Variants in SMYD3 observed in about 807,000 individuals in gnomAD.
SMYD3 encodes SET and MYND domain containing 3.
SMYD3 carries 36 observed loss-of-function variants against 57.7 expected under a neutral mutation model. The observed-to-expected ratio is 0.62, with a 90% CI of 0.48 to 0.82. The LOEUF is 0.82. SMYD3 is among the 40% of genes least tolerant of loss of function. The probability of loss-of-function intolerance (pLI) is 0.00; values close to 1 mark genes in which losing one functional copy is unlikely to be tolerated. For missense variants in SMYD3, 515 were observed against 538.8 expected (o/e 0.96, Z 0.44); for synonymous variants, 211 against 195.0 (o/e 1.08, Z -0.68).
chr1:246,246,787 T>G (rs1305879975), intron 5 of SMYD3, among the ~76,000 whole-genome samples: 1 of 151,286 alleles, frequency 6.6e-6, no homozygotes, highest in Non-Finnish European at 1.5e-5. Flanking sequence ...TCTGCAGAAA[T>G]CAAAACCCAA....
intron 8 of SMYD3, among the ~76,000 whole-genome samples, chr1:245,867,653 CGTGTGCGT>C (rs879847820): frequency 0.013 from 1,740 of 132,264 alleles, 16 homozygotes; most frequent in Non-Finnish European, 0.016. Context: ...CATGCGCGTG[CGTGTGCGT>C]GCGCGCGCAC....
chr1:246,265,745 C>T (rs1293206007), intron 5 of SMYD3, among the ~76,000 whole-genome samples: 2 of 152,184 alleles, frequency 1.3e-5, no homozygotes, highest in African/African-American at 2.4e-5. Context: ...CTGTATGAGC[C>T]TTCTCCTGTG....
intron 1 of SMYD3, among the ~76,000 whole-genome samples, chr1:246,478,776 T>C (rs4654269): frequency 0.31 from 867 of 2,776 alleles, 392 homozygotes; most frequent in Non-Finnish European, 0.66. Context: ...CTCATATATG[T>C]ACACCTGTCC....
intron 5 of SMYD3, among the ~76,000 whole-genome samples, chr1:246,062,127 G>A (rs1572963321): frequency 6.6e-6 from 1 of 152,120 alleles, no homozygotes; most frequent in East Asian, 1.9e-4. Context: ...CTGCTCATTA[G>A]GACTGAGAAT....
chr1:246,063,469 T>C (rs915342793), intron 5 of SMYD3, among the ~76,000 whole-genome samples: 2 of 152,124 alleles, frequency 1.3e-5, no homozygotes, highest in Admixed American at 1.3e-4. Context: ...GGGGAAACAC[T>C]TGCTGAAATC....
chr1:246,232,883 T>C (rs2063437606), intron 5 of SMYD3, among the ~76,000 whole-genome samples: 1 of 130,908 alleles, frequency 7.6e-6, no homozygotes, highest in Non-Finnish European at 1.6e-5. Flanking sequence ...GTGATGAACA[T>C]ATACCACACA....
At chr1:245,934,241 C>A (rs1024069331) in intron 5 of SMYD3, among the ~76,000 whole-genome samples, 1 of 152,110 alleles carries the variant, frequency 6.6e-6, no homozygotes, top group African/African-American at 2.4e-5. Context: ...AAACCCTGGA[C>A]AGAAAAACTG....
At position 246,179,993 on chromosome 1, in the gene SMYD3, G is replaced by A. The variant is rs572188700; in HGVS notation, c.531+147208C>T. On this transcript the variant is annotated intron_variant, in intron 5 of 11. Transcript: ENST00000490107. Reference sequence around the variant, plus strand: ...AGTAGCAGCCAAAAGAGGAAAAGGTGTGAATTAAGTACTCAGTTAAAAGGA... The same window carrying A: ...AGTAGCAGCCAAAAGAGGAAAAGGTATGAATTAAGTACTCAGTTAAAAGGA... 1.9e-4 allele frequency among the ~76,000 whole-genome samples: 29 copies of A among 152,110 alleles called. No individual in the cohort carries two copies. The South Asian group carries it at 5.8e-3, about 30-fold the overall frequency.
intron 11 of SMYD3, among the ~76,000 whole-genome samples, 154 bp downstream of exon 11, chr1:245,763,887 C>A (rs1417977493): frequency 6.6e-6 from 1 of 152,170 alleles, no homozygotes; most frequent in African/African-American, 2.4e-5. Context: ...CAGGTTTTTT[C>A]CAGAGTGGTT....
intron 5 of SMYD3, among the ~76,000 whole-genome samples, chr1:246,171,402 G>A (rs2062329856): frequency 1.3e-5 from 2 of 152,036 alleles, no homozygotes; most frequent in South Asian, 4.2e-4. Flanking sequence ...CAGAGGGATG[G>A]GGGTAGGGAG....
chr1:245,817,510 G>A (rs368781591), intron 10 of SMYD3, among the ~76,000 whole-genome samples: 36 of 152,218 alleles, frequency 2.4e-4, no homozygotes, highest in East Asian at 1.2e-3. Context: ...CCAAAGGAAC[G>A]CAGTTCCTCA....
At chr1:245,908,785 A>G (rs2054758147) in intron 8 of SMYD3, among the ~76,000 whole-genome samples, 2 of 152,238 alleles carry the variant, frequency 1.3e-5, no homozygotes, top group South Asian at 4.1e-4. Context: ...GACATACAAC[A>G]TATCAAAATG....
At chr1:246,278,600 C>T (rs1200851154) in intron 5 of SMYD3, among the ~76,000 whole-genome samples, 1 of 152,126 alleles carries the variant, frequency 6.6e-6, no homozygotes, top group Non-Finnish European at 1.5e-5. Flanking sequence ...CTGAGTCCTA[C>T]TGATGCAAGG....
At chr1:245,818,205 G>C (rs2048962361) in intron 10 of SMYD3, among the ~76,000 whole-genome samples, 1 of 152,218 alleles carries the variant, frequency 6.6e-6, no homozygotes, top group East Asian at 1.9e-4. Context: ...TCTCTCAGCA[G>C]AAACCCTACA....
intron 5 of SMYD3, among the ~76,000 whole-genome samples, chr1:245,990,274 A>C (rs935601750): frequency 2.0e-5 from 3 of 152,144 alleles, no homozygotes; most frequent in African/African-American, 7.2e-5. Flanking sequence ...TTTTTTGTAA[A>C]GACAGGGTCT....
At chr1:245,967,131 G>A (rs2058174632) in intron 5 of SMYD3, among the ~76,000 whole-genome samples, 1 of 152,110 alleles carries the variant, frequency 6.6e-6, no homozygotes, top group Non-Finnish European at 1.5e-5. Flanking sequence ...GGTGATGGAT[G>A]ATTTCTGAGA....
At chr1:246,176,760 C>G (rs998749328) in intron 5 of SMYD3, among the ~76,000 whole-genome samples, 2 of 152,140 alleles carry the variant, frequency 1.3e-5, no homozygotes, top group African/African-American at 4.8e-5. Flanking sequence ...TGAGCTCAAG[C>G]AACCTGCTCA....
intron 2 of SMYD3, among the ~76,000 whole-genome samples, chr1:246,349,466 A>G (rs2065783310): frequency 6.6e-6 from 1 of 152,120 alleles, no homozygotes; most frequent in African/African-American, 2.4e-5. Context: ...GTAGCCAGGC[A>G]TGGTAGTGCA....
rs746820906 is a variant in SMYD3 at position 246,102,743 on chromosome 1, C to CA, written c.532-172807dup. Among the ~76,000 whole-genome samples the CA allele has an allele frequency of 1.8e-3, 264 of 145,876 alleles. 3 individuals carry two copies. Among genetic ancestry groups the CA allele is most frequent in the East Asian group, 7.2e-3 (34 of 4,716 alleles). On this transcript the variant is annotated intron_variant, in intron 5 of 11. Transcript: ENST00000490107. ...GCCAACAAAGTGAGACCTTGGCTCT[C>CA]AAAAAAAAAAAAAATAATAATAATA...
Sources: gnomAD v4.1 joint callset for allele counts (sites outside exome capture counted in the v4.1 genomes callset) on GRCh38, gnomAD v4.1.1 for gene constraint, MANE v1.5 for transcripts, NCBI Gene and HGNC (gene_info 2026-07-23, HGNC 2026-07-21) for gene names.